CNTN5: variants seen among roughly 807,000 people sequenced by gnomAD.
CNTN5 encodes the protein contactin 5.
A neutral mutation model predicts 129.1 loss-of-function variants in CNTN5; 77 were observed. That is an observed-to-expected ratio of 0.60 (90% CI 0.50 to 0.72). The LOEUF is 0.72. Among genes scored for constraint, CNTN5 ranks in the 30% least tolerant of loss-of-function variants. CNTN5 has a pLI of 0.00. For missense variants in CNTN5, 1,478 were observed against 1,328.8 expected, an observed-to-expected ratio of 1.11 and a Z score of -1.75; for synonymous variants, 509 against 465.6, an observed-to-expected ratio of 1.09 and a Z score of -1.20.
intron 3 of CNTN5, among the ~76,000 whole-genome samples, chr11:99,813,858 G>C (rs1471293109): frequency 6.6e-6 from 1 of 151,952 alleles, no homozygotes; most frequent in Non-Finnish European, 1.5e-5. Flanking sequence ...GCAATATCTT[G>C]GTAATTTTTA....
At chr11:99,166,427 T>G (rs1333802431) in intron 1 of CNTN5, among the ~76,000 whole-genome samples, 3 of 149,276 alleles carry the variant, frequency 2.0e-5, no homozygotes, top group Admixed American at 1.3e-4. Context: ...AGAGTAGTTA[T>G]GTTAAGACTC....
chr11:99,192,723 G>T (rs1858706315), intron 1 of CNTN5, among the ~76,000 whole-genome samples: 1 of 151,966 alleles, frequency 6.6e-6, no homozygotes, highest in East Asian at 1.9e-4. Context: ...TAAATCTACT[G>T]TATGGAAATA....
chr11:99,865,438 A>C (rs982308289), intron 6 of CNTN5, among the ~76,000 whole-genome samples: 1 of 151,770 alleles, frequency 6.6e-6, no homozygotes, highest in African/African-American at 2.4e-5. Context: ...AATACTATAG[A>C]TTTTAATCAA....
intron 1 of CNTN5, among the ~76,000 whole-genome samples, chr11:99,092,194 AAAG>A (rs1287831605): frequency 6.6e-6 from 1 of 152,112 alleles, no homozygotes; most frequent in African/African-American, 2.4e-5. Context: ...GCAATTTTTA[AAAG>A]TAGTATCAAT....
chr11:99,799,160 G>A (rs959196850), intron 3 of CNTN5, among the ~76,000 whole-genome samples: 1 of 151,698 alleles, frequency 6.6e-6, no homozygotes, highest in Admixed American at 6.6e-5. Context: ...TGAAGCCTTG[G>A]GGTTTCTATG....
chr11:99,915,717 G>T (rs1405071364), intron 6 of CNTN5, among the ~76,000 whole-genome samples: 1 of 152,072 alleles, frequency 6.6e-6, no homozygotes, highest in Non-Finnish European at 1.5e-5. Context: ...TGAGAGAATG[G>T]GCGTTATTGG....
intron 16 of CNTN5, among the ~76,000 whole-genome samples, chr11:100,227,155 G>A (rs1591412553): frequency 6.6e-6 from 1 of 152,226 alleles, no homozygotes; most frequent in East Asian, 1.9e-4. Context: ...AACGTACTTG[G>A]ATGGCAAGGA....
chr11:99,289,582 A>G (rs930979559), intron 1 of CNTN5, among the ~76,000 whole-genome samples: 12 of 151,636 alleles, frequency 7.9e-5, no homozygotes, highest in African/African-American at 2.7e-4. Flanking sequence ...CCTTTTATGT[A>G]TTCAATCTAC....
chr11:99,242,826 C>A (rs1861627590), intron 1 of CNTN5, among the ~76,000 whole-genome samples: 1 of 152,082 alleles, frequency 6.6e-6, no homozygotes, highest in African/African-American at 2.4e-5. Context: ...TGTTCTTTTT[C>A]ATGGCTTTAT....
Position 100,025,371 on chromosome 11 carries a change from G to A in CNTN5, c.980+23235G>A, listed in dbSNP as rs117797958. 4.7e-4 allele frequency among the ~76,000 whole-genome samples: 71 copies of A among 152,358 alleles called. 1 individual carries two copies. In the South Asian group the frequency reaches 8.1e-3, roughly 17 times the overall value. Reference sequence around the variant, plus strand: ...TGCCTAGATGTCCAGGCAGAGGTGTGCTGCAGGGCTTGAGCTTTCATGGAG... The same window carrying A: ...TGCCTAGATGTCCAGGCAGAGGTGTACTGCAGGGCTTGAGCTTTCATGGAG... On this transcript the variant is annotated intron_variant, in intron 9 of 24. Transcript: ENST00000524871.
chr11:100,057,858 C>G (rs530821465), intron 9 of CNTN5, among the ~76,000 whole-genome samples: 9 of 152,076 alleles, frequency 5.9e-5, no homozygotes, highest in African/African-American at 2.2e-4. Context: ...TTATTGTAAA[C>G]TAGGGTTTTT....
intron 8 of CNTN5, among the ~76,000 whole-genome samples, chr11:99,990,853 C>T (rs986309089): frequency 4.6e-5 from 7 of 152,072 alleles, no homozygotes; most frequent in African/African-American, 1.4e-4. Flanking sequence ...ATCTAACGTA[C>T]TACTAGATTT....
intron 17 of CNTN5, among the ~76,000 whole-genome samples, chr11:100,267,028 T>C (rs904736105): frequency 2.0e-5 from 3 of 151,932 alleles, no homozygotes; most frequent in African/African-American, 4.8e-5. Context: ...AGAAAGTAAA[T>C]TATATAGTAT....
intron 2 of CNTN5, among the ~76,000 whole-genome samples, chr11:99,389,622 G>T (rs1048292926): frequency 6.6e-6 from 1 of 152,074 alleles, no homozygotes; most frequent in East Asian, 1.9e-4. Flanking sequence ...ATGCACACAG[G>T]CACTCCCAAA....
At chr11:99,251,773 G>A (rs1416069342) in intron 1 of CNTN5, among the ~76,000 whole-genome samples, 1 of 151,944 alleles carries the variant, frequency 6.6e-6, no homozygotes, top group Non-Finnish European at 1.5e-5. Flanking sequence ...ATGTATGGTA[G>A]TAACATGTGT....
At chr11:99,033,691 A>G (rs1358782348) in intron 1 of CNTN5, among the ~76,000 whole-genome samples, 2 of 151,626 alleles carry the variant, frequency 1.3e-5, no homozygotes, top group Admixed American at 1.3e-4. Flanking sequence ...GGTTTTCTAG[A>G]TATACAATCA....
At chr11:99,590,908 A>G (rs1271423475) in intron 3 of CNTN5, among the ~76,000 whole-genome samples, 2 of 152,256 alleles carry the variant, frequency 1.3e-5, no homozygotes, top group Non-Finnish European at 2.9e-5. Flanking sequence ...AATATTTACT[A>G]TATTTCAAAT....
intron 12 of CNTN5, among the ~76,000 whole-genome samples, chr11:100,073,823 A>G (rs1393011355): frequency 6.6e-6 from 1 of 152,166 alleles, no homozygotes; most frequent in Non-Finnish European, 1.5e-5. Flanking sequence ...GGACTCTGTC[A>G]GTTAGCCTTT....
Position 99,834,180 on chromosome 11 carries a change from T to C in CNTN5, c.278-10672T>C, listed in dbSNP as rs1036491037. ...ACTTAACCAGAGGTTGTTGTCCATT[T>C]AGAATACCTACTACCTAACACTGGT... On this transcript the variant is annotated intron_variant, in intron 4 of 24. Coordinates refer to ENST00000524871, the MANE Select transcript of CNTN5 (RefSeq NM_014361.4). Among the ~76,000 whole-genome samples the C allele has an allele frequency of 1.1e-3, 167 of 152,198 alleles. 1 individual carries two copies. The highest frequency in any genetic ancestry group is 1.2e-3 in the Admixed American group (18 of 15,262).
Sources: allele counts gnomAD v4.1 joint callset (sites outside exome capture counted in the v4.1 genomes callset), GRCh38; gene constraint gnomAD v4.1.1; transcripts MANE v1.5; gene names NCBI Gene and HGNC (gene_info 2026-07-23, HGNC 2026-07-21).